Variants in PRDM11 observed in about 807,000 individuals in gnomAD.
PRDM11 encodes the protein PR domain-containing protein 11.
A neutral mutation model predicts 97.8 loss-of-function variants in PRDM11; 20 were observed. The observed-to-expected ratio is 0.20, with a 90% CI of 0.14 to 0.30. PRDM11 has a LOEUF of 0.30. Among genes scored for constraint, PRDM11 ranks in the 10% least tolerant of loss-of-function variants. The pLI, the probability that PRDM11 is intolerant of heterozygous loss-of-function variation, is 1.00. For synonymous variants in PRDM11, 599 were observed against 637.7 expected (o/e 0.94, Z 0.91); for missense variants, 1,139 against 1,555.2 (o/e 0.73, Z 4.50).
At chr11:45,190,350 G>A (rs1002373362) in intron 4 of PRDM11, among the ~76,000 whole-genome samples, 11 of 151,714 alleles carry the variant, frequency 7.3e-5, no homozygotes, top group African/African-American at 2.7e-4. Context: ...GTTTTACTGT[G>A]TTACCCAGGC....
intron 1 of PRDM11, among the ~76,000 whole-genome samples, chr11:45,101,054 G>T (rs1851965924): frequency 6.6e-6 from 1 of 152,060 alleles, no homozygotes; most frequent in Non-Finnish European, 1.5e-5. Flanking sequence ...GAAGTGGGGG[G>T]GTGGGGATTA....
chr11:45,153,110 C>T (rs980919388), intron 1 of PRDM11, among the ~76,000 whole-genome samples: 3 of 152,222 alleles, frequency 2.0e-5, no homozygotes, highest in Non-Finnish European at 4.4e-5. Context: ...CCCTCTACAG[C>T]GAAGGTCAGA....
chr11:45,124,019 A>G (rs1219433432), intron 1 of PRDM11, among the ~76,000 whole-genome samples: 1 of 129,378 alleles, frequency 7.7e-6, no homozygotes, highest in Non-Finnish European at 1.7e-5. Flanking sequence ...CTTTTATTTC[A>G]TTGAGCAGTG....
At chr11:45,106,725 G>A (rs1319448808) in intron 1 of PRDM11, among the ~76,000 whole-genome samples, 3 of 152,204 alleles carry the variant, frequency 2.0e-5, no homozygotes, top group African/African-American at 7.2e-5. Context: ...ACTCCACGTG[G>A]TCTGTGAGTT....
intron 1 of PRDM11, among the ~76,000 whole-genome samples, chr11:45,134,701 GAAAAA>G (rs1191008824): frequency 1.4e-4 from 6 of 44,262 alleles, no homozygotes; most frequent in Admixed American, 9.9e-4. Flanking sequence ...CCTGTCTCAC[GAAAAA>G]AAAAAAAAAA....
chr11:45,210,574 C>T (rs1247077570), intron 5 of PRDM11, among the ~76,000 whole-genome samples: 2 of 152,218 alleles, frequency 1.3e-5, no homozygotes, highest in Non-Finnish European at 2.9e-5. Flanking sequence ...CGTGGCTCAG[C>T]CCATGGGAAG....
chr11:45,189,484 G>C (rs1852831692), intron 4 of PRDM11, among the ~76,000 whole-genome samples: 1 of 152,096 alleles, frequency 6.6e-6, no homozygotes, highest in Non-Finnish European at 1.5e-5. Flanking sequence ...ATGTGAAAAG[G>C]ACCAGGGAGC....
In PRDM11 at chr11:45,227,416, C is replaced by G. The variant is rs771503038; in HGVS notation, c.2791C>G (p.Gln931Glu). Residue 931 changes from glutamine (Q) to glutamate (E), a missense_variant, in exon 8 of 8, where the codon CAG becomes GAG. Physicochemically the swap from Gln to Glu is conservative, Grantham distance 29 (BLOSUM62 2). This residue lies in a region of PRDM11 where 710 missense variants were observed against 1,044.9 expected (regional missense o/e 0.68). Coordinates refer to ENST00000683152, the MANE Select transcript of PRDM11 (RefSeq NM_001384648.1). The surrounding 1 kb of genome is among the most constrained non-coding windows in gnomAD (Gnocchi z 8.0). The part of the protein sequence containing the change: ...RLADSPGEYL[Q>E]EFEENFRESF... ...GGCTGACTCCCCGGGAGAATACCTG[C>G]AGGAGTTCGAGGAGAATTTCCGAGA... 8 of 1,533,766 alleles carry G rather than the reference C, an allele frequency of 5.2e-6. No homozygotes were observed. The highest frequency in any genetic ancestry group is 2.0e-5 in the Admixed American group (1 of 50,976).
chr11:45,130,626 C>T (rs529878931), intron 1 of PRDM11, among the ~76,000 whole-genome samples: 1 of 152,134 alleles, frequency 6.6e-6, no homozygotes, highest in Non-Finnish European at 1.5e-5. Flanking sequence ...TAAATTGATA[C>T]AATTACTTTG....
rs367875551 is a variant in PRDM11 at position 45,181,911 on chromosome 11, G to T, written c.119+26G>T. On this transcript the variant is annotated intron_variant, in intron 2 of 7. Coordinates refer to ENST00000683152, the MANE Select transcript of PRDM11 (RefSeq NM_001384648.1). ...GTGAGGCCCCTGTGTGGGAACTGGA[G>T]AGGGAGAAGTGGGAGTGGGAGGTGC... 1.8e-5 allele frequency: 28 copies of T among 1,598,582 alleles called. No homozygotes were observed. In the East Asian group the frequency reaches 2.5e-4, roughly 14 times the overall value.
chr11:45,182,524 C>T (rs1338345935), intron 3 of PRDM11, among the ~76,000 whole-genome samples, 175 bp downstream of exon 3: 1 of 152,180 alleles, frequency 6.6e-6, no homozygotes, highest in Non-Finnish European at 1.5e-5. Flanking sequence ...ATTGTTAGCC[C>T]CATTTTCCAG....
chr11:45,132,008 G>A (rs971955759), intron 1 of PRDM11, among the ~76,000 whole-genome samples: 11 of 152,156 alleles, frequency 7.2e-5, no homozygotes, highest in Non-Finnish European at 1.5e-4. Context: ...CTGAGCAACA[G>A]AAAGAGGACC....
intron 1 of PRDM11, among the ~76,000 whole-genome samples, chr11:45,118,520 G>A (rs1317462126): frequency 3.3e-5 from 5 of 152,086 alleles, no homozygotes; most frequent in Admixed American, 6.6e-5. Flanking sequence ...GTTTCCTCCC[G>A]GGAATGCAAG....
intron 1 of PRDM11, among the ~76,000 whole-genome samples, chr11:45,152,589 G>C (rs905093707): frequency 2.0e-5 from 3 of 152,202 alleles, no homozygotes; most frequent in Non-Finnish European, 4.4e-5. Flanking sequence ...ATGGTAACTA[G>C]AGCCTCAAAT....
At chr11:45,154,457 A>G (rs1354021818) in intron 1 of PRDM11, among the ~76,000 whole-genome samples, 1 of 152,204 alleles carries the variant, frequency 6.6e-6, no homozygotes, top group Non-Finnish European at 1.5e-5. Context: ...TTGCGGACAC[A>G]TTCAAACAGA....
At chr11:45,212,990 G>A in intron 5 of PRDM11, 1 of 391,924 alleles carries the variant, frequency 2.6e-6, no homozygotes, top group Non-Finnish European at 5.2e-6. Flanking sequence ...AGCTTCCCCA[G>A]CATCAGCCCC....
intron 1 of PRDM11, among the ~76,000 whole-genome samples, chr11:45,174,870 A>T (rs1852290216): frequency 6.6e-6 from 1 of 152,240 alleles, no homozygotes; most frequent in South Asian, 2.1e-4. Context: ...CTGCATCATT[A>T]TGTATAGACT....
At chr11:45,119,695 G>A (rs1408726215) in intron 1 of PRDM11, among the ~76,000 whole-genome samples, 4 of 150,166 alleles carry the variant, frequency 2.7e-5, no homozygotes, top group Admixed American at 6.6e-5. Flanking sequence ...TACCAGTGGC[G>A]GACTGAGTCT....
chr11:45,211,886 T>C (rs1590454644), intron 5 of PRDM11, among the ~76,000 whole-genome samples: 1 of 152,034 alleles, frequency 6.6e-6, no homozygotes, highest in Non-Finnish European at 1.5e-5. Context: ...CAATAACTTA[T>C]GGAAAAAAAA....
Sources: gnomAD v4.1 joint callset for allele counts (sites outside exome capture counted in the v4.1 genomes callset) on GRCh38, gnomAD v4.1.1 for gene constraint, gnomAD v4.1.1 regional missense constraint, Gnocchi (gnomAD v3.1) non-coding constraint, MANE v1.5 for transcripts, NCBI Gene and HGNC (gene_info 2026-07-23, HGNC 2026-07-21) for gene names.